The following CLNK variants were observed in gnomAD, a reference collection of about 807,000 sequenced individuals.
CLNK encodes cytokine-dependent hematopoietic cell linker.
In CLNK, 74 loss-of-function variants were observed where a neutral mutation model predicts 68.6. The observed-to-expected ratio is 1.08, with a 90% CI of 0.89 to 1.31. The LOEUF (loss-of-function observed/expected upper bound fraction) is 1.31. Ranked by LOEUF, CLNK falls within the 50% of genes most tolerant of loss-of-function variation. The probability of loss-of-function intolerance (pLI) is 0.00; values close to 1 mark genes in which losing one functional copy is unlikely to be tolerated. For synonymous variants in CLNK, 198 were observed against 172.2 expected, an observed-to-expected ratio of 1.15 and a Z score of -1.17; for missense variants, 553 against 515.3, an observed-to-expected ratio of 1.07 and a Z score of -0.71.
chr4:10,562,541 G>A (rs1040023218), intron 7 of CLNK, among the ~76,000 whole-genome samples: 1 of 152,126 alleles, frequency 6.6e-6, no homozygotes, highest in Non-Finnish European at 1.5e-5. Flanking sequence ...GAGTAGCTGG[G>A]ACTACAAGCA....
chr4:10,722,685 A>G, the CLNK span, among the ~76,000 whole-genome samples: 11 of 152,284 alleles, frequency 7.2e-5, no homozygotes, highest in African/African-American at 2.4e-4. Flanking sequence ...GCTATTGTAC[A>G]CTCCACAGGG....
chr4:10,523,883 G>A, intron 14 of CLNK: 1 of 332,568 alleles, frequency 3.0e-6, no homozygotes, highest in Non-Finnish European at 6.0e-6. Flanking sequence ...AAATTAGCTG[G>A]GCATGGTGGC....
intron 2 of CLNK, among the ~76,000 whole-genome samples, chr4:10,599,657 C>A (rs538340175): frequency 6.6e-6 from 1 of 152,300 alleles, no homozygotes; most frequent in African/African-American, 2.4e-5. Flanking sequence ...CCATTGCTCA[C>A]ATGGTTTCCA....
intron 2 of CLNK, among the ~76,000 whole-genome samples, chr4:10,634,472 T>G (rs551378420): frequency 6.6e-6 from 1 of 152,210 alleles, no homozygotes; most frequent in Non-Finnish European, 1.5e-5. Flanking sequence ...TCATTTCCCT[T>G]GCAACTCAAG....
chr4:10,675,177 TA>T (rs1346331384), intron 1 of CLNK, among the ~76,000 whole-genome samples: 2 of 152,178 alleles, frequency 1.3e-5, no homozygotes, highest in East Asian at 1.9e-4. Context: ...ATTTGAGGGT[TA>T]AAGAATCACA....
chr4:10,610,345 G>A (rs1721964398), intron 2 of CLNK, among the ~76,000 whole-genome samples: 1 of 142,152 alleles, frequency 7.0e-6, no homozygotes, highest in South Asian at 2.3e-4. Flanking sequence ...CGCCCGGCCC[G>A]TTTTTTTTTT....
At chr4:10,724,448 C>G in the CLNK span, among the ~76,000 whole-genome samples, 6 of 151,626 alleles carry the variant, frequency 4.0e-5, no homozygotes. Context: ...TTCTGGAATA[C>G]TATACGCCAC....
At chr4:10,515,333 A>T (rs144138783) in intron 15 of CLNK, among the ~76,000 whole-genome samples, 1 of 151,926 alleles carries the variant, frequency 6.6e-6, no homozygotes. Context: ...CTGTCTACTC[A>T]TATTTCTCCA....
chr4:10,648,031 C>G (rs559815308), intron 2 of CLNK, among the ~76,000 whole-genome samples: 93 of 152,250 alleles, frequency 6.1e-4, no homozygotes, highest in Non-Finnish European at 1.0e-3. Context: ...GATTCACCTT[C>G]TACATAGGCT....
intron 2 of CLNK, among the ~76,000 whole-genome samples, chr4:10,611,840 C>A (rs1251232869): frequency 1.3e-5 from 2 of 152,136 alleles, no homozygotes; most frequent in African/African-American, 4.8e-5. Context: ...CCAGGATCCT[C>A]ATTGTAAAAT....
At chr4:10,676,613 G>A (rs1332515228) in intron 1 of CLNK, among the ~76,000 whole-genome samples, 1 of 151,988 alleles carries the variant, frequency 6.6e-6, no homozygotes, top group Non-Finnish European at 1.5e-5. Flanking sequence ...TATTATTCCT[G>A]TTGAGTTTTG....
intron 3 of CLNK, among the ~76,000 whole-genome samples, chr4:10,594,230 T>A (rs1721298669): frequency 6.6e-6 from 1 of 152,190 alleles, no homozygotes; most frequent in South Asian, 2.1e-4. Context: ...GGTCAGACAT[T>A]TCCCCAGTGG....
the CLNK span, among the ~76,000 whole-genome samples, chr4:10,704,481 T>C: frequency 6.6e-6 from 1 of 152,262 alleles, no homozygotes; most frequent in Non-Finnish European, 1.5e-5. Context: ...TCTTGCTGGC[T>C]GATGCCAGCT....
At chr4:10,657,688 C>G (rs1252053395) in intron 2 of CLNK, among the ~76,000 whole-genome samples, 2 of 152,186 alleles carry the variant, frequency 1.3e-5, no homozygotes, top group African/African-American at 4.8e-5. Flanking sequence ...ACAAATGCCT[C>G]TAATTGCAGC....
chr4:10,679,837 G>C (rs1197682671), intron 1 of CLNK, among the ~76,000 whole-genome samples: 1 of 152,142 alleles, frequency 6.6e-6, no homozygotes, highest in Admixed American at 6.5e-5. Context: ...ACACCAGTTA[G>C]AATGGCGATC....
At chr4:10,609,664 C>G (rs538032802) in intron 2 of CLNK, among the ~76,000 whole-genome samples, 3 of 152,334 alleles carry the variant, frequency 2.0e-5, no homozygotes, top group Non-Finnish European at 4.4e-5. Flanking sequence ...TTTACTGAGG[C>G]AGAAAAGGGC....
chr4:10,593,900 AG>A (rs1721284570), intron 3 of CLNK, among the ~76,000 whole-genome samples: 1 of 152,196 alleles, frequency 6.6e-6, no homozygotes, highest in Admixed American at 6.5e-5. Flanking sequence ...TCAAGAGTAA[AG>A]GATGGAAAGG....
At chr4:10,649,662 C>T (rs1487229241) in intron 2 of CLNK, among the ~76,000 whole-genome samples, 1 of 152,066 alleles carries the variant, frequency 6.6e-6, no homozygotes, top group African/African-American at 2.4e-5. Context: ...ACTTAAGGGA[C>T]AAAATTTCCT....
At chr4:10,663,772 CTAA>C (rs1210681468) in intron 2 of CLNK, among the ~76,000 whole-genome samples, 2 of 152,146 alleles carry the variant, frequency 1.3e-5, no homozygotes, top group Non-Finnish European at 2.9e-5. Flanking sequence ...ATGTTGAAAG[CTAA>C]TCACCAAGGT....
Sources: gnomAD v4.1 joint callset for allele counts (sites outside exome capture counted in the v4.1 genomes callset) on GRCh38, gnomAD v4.1.1 for gene constraint, MANE v1.5 for transcripts, NCBI Gene and HGNC (gene_info 2026-07-23, HGNC 2026-07-21) for gene names.